PIWIL2: variants seen among roughly 807,000 people sequenced by gnomAD.
PIWIL2 encodes piwi like RNA-mediated gene silencing 2.
PIWIL2 carries 81 observed loss-of-function variants against 116.5 expected under a neutral mutation model. That is an observed-to-expected ratio of 0.70 (90% CI 0.58 to 0.84). The LOEUF (loss-of-function observed/expected upper bound fraction) is 0.84. Among genes scored for constraint, PIWIL2 ranks in the 40% least tolerant of loss-of-function variants. The pLI, the probability that PIWIL2 is intolerant of heterozygous loss-of-function variation, is 0.00. For synonymous variants in PIWIL2, 489 were observed against 429.5 expected, an observed-to-expected ratio of 1.14 and a Z score of -1.71; for missense variants, 1,272 against 1,212.3, an observed-to-expected ratio of 1.05 and a Z score of -0.73.
intron 10 of PIWIL2, among the ~76,000 whole-genome samples, chr8:22,293,111 C>G (rs1323116778): frequency 6.6e-6 from 1 of 152,074 alleles, no homozygotes; most frequent in Non-Finnish European, 1.5e-5. Flanking sequence ...ATTTTTCTTG[C>G]ATGTACTTTC....
chr8:22,331,606 T>C (rs1831863596), intron 20 of PIWIL2, among the ~76,000 whole-genome samples: 1 of 152,168 alleles, frequency 6.6e-6, no homozygotes, highest in South Asian at 2.1e-4. Context: ...CTACAGTAAC[T>C]GAAATTAAAC....
chr8:22,354,228 G>A, intron 21 of PIWIL2, 43 bp from the exon 22 acceptor site: 1 of 1,302,768 alleles, frequency 7.7e-7, no homozygotes, highest in Non-Finnish European at 1.1e-6. Flanking sequence ...GCTCTGTCTG[G>A]CTGAATCCGA....
chr8:22,355,067 CAAAAA>C (rs775081187), intron 22 of PIWIL2, among the ~76,000 whole-genome samples: 1 of 101,206 alleles, frequency 9.9e-6, no homozygotes, highest in Non-Finnish European at 2.1e-5. Flanking sequence ...AAGACTCTGT[CAAAAA>C]AAAAAAACAA....
In PIWIL2 at chr8:22,323,039, G is replaced by A. The variant is rs987783300; in HGVS notation, c.2403+4764G>A. ...TCAAGCACTTCTGCCTCAGCCTTCC[G>A]AGTAGCTGGGACCACAGGCACACAC... On this transcript the variant is annotated intron_variant, in intron 20 of 22. Transcript: ENST00000356766. 5.5e-5 allele frequency among the ~76,000 whole-genome samples: 8 copies of A among 146,224 alleles called. No individual in the cohort carries two copies. The South Asian group carries it at 8.7e-4, about 16-fold the overall frequency.
chr8:22,312,180 C>T lies in PIWIL2; in HGVS notation c.1989+880C>T, dbSNP rs574953284. On this transcript the variant is annotated intron_variant, in intron 16 of 22. Coordinates refer to ENST00000356766, the MANE Select transcript of PIWIL2 (RefSeq NM_018068.5). ...TCAGGAGGCTGAGGTGGGAGAATCA[C>T]CTGAGCCTGGGGAGGTTGAGGCTGC... Among the ~76,000 whole-genome samples the T allele has an allele frequency of 5.5e-4, 83 of 151,754 alleles. No individual in the cohort carries two copies. The Middle Eastern group carries it at 0.01, about 19-fold the overall frequency.
chr8:22,303,749 T>C (rs1304341869), intron 10 of PIWIL2, among the ~76,000 whole-genome samples: 2 of 152,126 alleles, frequency 1.3e-5, no homozygotes, highest in African/African-American at 2.4e-5. Flanking sequence ...TTTCCTTTTT[T>C]TTCCCCCACC....
chr8:22,338,522 C>G (rs953985446), intron 20 of PIWIL2, among the ~76,000 whole-genome samples: 3 of 151,982 alleles, frequency 2.0e-5, no homozygotes, highest in Admixed American at 6.6e-5. Flanking sequence ...AAAACCCCAT[C>G]TCTACTAAAA....
rs745587876 is a variant in PIWIL2, at chr8:22,287,625, C to T, written c.841C>T (p.Leu281=). The T allele has an allele frequency of 1.2e-6, 2 of 1,606,576 alleles. No homozygotes were observed. Among genetic ancestry groups the T allele is most frequent in the East Asian group, 2.2e-5 (1 of 44,866 alleles). The change falls in exon 7 of 23, where the codon CTG becomes TTG. Residue 281 remains leucine, a synonymous_variant. Coordinates refer to ENST00000356766, the MANE Select transcript of PIWIL2 (RefSeq NM_018068.5). The part of the protein sequence containing the change: ...VTAFDGSILY[L]PVKLQQVLEL... ...TGCGTTTGATGGATCTATTCTCTAT[C>T]TGCCTGTTAAGCTTCAACAAGTGAG...
chr8:22,322,763 A>C (rs1196115714), intron 20 of PIWIL2, among the ~76,000 whole-genome samples: 1 of 149,696 alleles, frequency 6.7e-6, no homozygotes, highest in Non-Finnish European at 1.5e-5. Context: ...CTTGTCTCGA[A>C]CTCCTGACCT....
rs1480620860 is a variant in PIWIL2 at position 22,351,436 on chromosome 8, CATACAT to C, written c.2404-1519_2404-1514del. Among the ~76,000 whole-genome samples, 318 of 46,148 alleles carry C rather than the reference CATACAT, an allele frequency of 6.9e-3. 1 individual carries two copies. Among genetic ancestry groups the C allele is most frequent in the East Asian group, 0.023 (19 of 838 alleles). 30.3% of individuals were successfully genotyped at this position (46,148 alleles called of 152,430 possible). On this transcript the variant is annotated intron_variant, in intron 20 of 22. Transcript: ENST00000356766. ...AGTAACCTGTAAGGAACAGTGCATA[CATACAT>C]ATATATATATATATATATATATATA...
In PIWIL2 at chr8:22,295,122, A is replaced by AT. The variant is rs911578638; in HGVS notation, c.1181+4785dup. 1.7e-4 allele frequency among the ~76,000 whole-genome samples: 26 copies of AT among 150,990 alleles called. 1 individual carries two copies. Among genetic ancestry groups the AT allele is most frequent in the South Asian group, 1.3e-3 (6 of 4,758 alleles). On this transcript the variant is annotated intron_variant, in intron 10 of 22. Coordinates refer to ENST00000356766, the MANE Select transcript of PIWIL2 (RefSeq NM_018068.5). ...TTTATTTTCTCCACAGTTATCTTGG[A>AT]TTTTTTTTTGTTAAAAAAATTCATT...
chr8:22,318,329 T>A lies in PIWIL2; in HGVS notation c.2403+54T>A, dbSNP rs147323599. On this transcript the variant is annotated intron_variant, in intron 20 of 22. Transcript: ENST00000356766. Reference sequence around the variant, plus strand: ...TGGGGTTTTTTGTTTTTTTATTTTTTTTTTTGAGACAGAGTCTCACTCTTG... The same window carrying A: ...TGGGGTTTTTTGTTTTTTTATTTTTATTTTTGAGACAGAGTCTCACTCTTG... 1.4e-5 allele frequency: 14 copies of A among 1,031,756 alleles called. No individual in the cohort carries two copies. The East Asian group carries it at 2.4e-4, about 18-fold the overall frequency. The allele number at this position is 1,031,756 out of a possible 1,614,324, so 63.9% of individuals were successfully genotyped here.
At chr8:22,277,031 A>T (rs200489940) in intron 1 of PIWIL2, among the ~76,000 whole-genome samples, 14,072 of 136,628 alleles carry the variant, frequency 0.1, 824 homozygotes, top group South Asian at 0.22. Context: ...ATATATATAT[A>T]TATTTTTTTT....
At chr8:22,333,958 A>G (rs1831920694) in intron 20 of PIWIL2, among the ~76,000 whole-genome samples, 1 of 151,584 alleles carries the variant, frequency 6.6e-6, no homozygotes, top group Admixed American at 6.6e-5. Flanking sequence ...ACTAATGGGT[A>G]CAGAGTTTTT....
At chr8:22,344,440 A>T (rs2132101342) in intron 20 of PIWIL2, among the ~76,000 whole-genome samples, 1 of 152,338 alleles carries the variant, frequency 6.6e-6, no homozygotes, top group Admixed American at 6.5e-5. Flanking sequence ...AGGTGGGAGG[A>T]GGGCATATGG....
chr8:22,338,948 TAAAC>T (rs1450635676), intron 20 of PIWIL2, among the ~76,000 whole-genome samples: 4 of 152,154 alleles, frequency 2.6e-5, no homozygotes, highest in Admixed American at 2.6e-4. Flanking sequence ...GTTACAGAGA[TAAAC>T]AAGACAGTGT....
chr8:22,344,838 T>G (rs1039816876), intron 20 of PIWIL2, among the ~76,000 whole-genome samples: 7 of 152,322 alleles, frequency 4.6e-5, no homozygotes, highest in African/African-American at 1.7e-4. Flanking sequence ...ATTGTGCCGC[T>G]GCACTCCAGC....
chr8:22,347,269 G>A (rs13252392), intron 20 of PIWIL2, among the ~76,000 whole-genome samples: 64,132 of 148,492 alleles, frequency 0.43, 15,658 homozygotes, highest in East Asian at 0.81. Flanking sequence ...CTGGACTGCA[G>A]TGGTGTGCTC....
intron 10 of PIWIL2, among the ~76,000 whole-genome samples, chr8:22,294,163 C>A (rs1030185648): frequency 1.3e-5 from 2 of 151,306 alleles, no homozygotes; most frequent in African/African-American, 2.4e-5. Context: ...CATGGTGAAA[C>A]CCTGTCTCTG....
Sources: allele counts gnomAD v4.1 joint callset (sites outside exome capture counted in the v4.1 genomes callset), GRCh38; gene constraint gnomAD v4.1.1; transcripts MANE v1.5; gene names NCBI Gene and HGNC (gene_info 2026-07-23, HGNC 2026-07-21).